The following DST variants were observed in gnomAD, a reference collection of about 807,000 sequenced individuals.
DST encodes bullous pemphigoid antigen.
A neutral mutation model predicts 875.2 loss-of-function variants in DST; 253 were observed. That is an observed-to-expected ratio of 0.29 (90% CI 0.26 to 0.32). The LOEUF is 0.32. DST is among the 10% of genes least tolerant of loss of function. DST has a pLI of 1.00. For synonymous variants in DST, 3,124 were observed against 3,197.1 expected, an observed-to-expected ratio of 0.98 and a Z score of 0.77; for missense variants, 8,287 against 9,111.6, an observed-to-expected ratio of 0.91 and a Z score of 3.68.
chr6:56,608,988 G>A lies in DST; in HGVS notation c.5640C>T (p.Gly1880=). 1 of 1,613,840 alleles carries A rather than the reference G, an allele frequency of 6.2e-7. No individual in the cohort carries two copies. The highest frequency in any genetic ancestry group is 8.5e-7 in the Non-Finnish European group (1 of 1,179,790). The part of the protein sequence containing the change: ...IKVLEILLST[G]SLVIPATGEQ... ...CTCCTGTGGCTGGAATAACCAGAGA[G>A]CCTGTAGAAAGCAGTATCTCAAGAA... is the stretch of plus-strand genomic sequence containing the variant. The change falls in exon 40 of 104, where the codon GGC becomes GGT. Residue 1880 remains glycine, a synonymous_variant. Transcript: ENST00000680361.
At chr6:56,753,310 G>A (rs527258548) in intron 4 of DST, among the ~76,000 whole-genome samples, 1 of 152,318 alleles carries the variant, frequency 6.6e-6, no homozygotes, top group South Asian at 2.1e-4. Flanking sequence ...ACAGAAAACA[G>A]TGAACAGAAC....
At chr6:56,798,545 A>G (rs1023628769) in intron 4 of DST, among the ~76,000 whole-genome samples, 1 of 152,238 alleles carries the variant, frequency 6.6e-6, no homozygotes, top group Non-Finnish European at 1.5e-5. Flanking sequence ...TACCTAGTCC[A>G]AGAGCTCTGA....
At chr6:56,873,132 T>C (rs1652091130) in intron 3 of DST, among the ~76,000 whole-genome samples, 2 of 152,250 alleles carry the variant, frequency 1.3e-5, no homozygotes, top group Admixed American at 1.3e-4. Context: ...GTTCGTCATT[T>C]GTATGTCTTC....
Position 56,492,079 on chromosome 6 carries a change from A to G in DST, c.20757+148T>C, listed in dbSNP as rs938802730. 3.0e-5 allele frequency: 22 copies of G among 737,684 alleles called. No individual in the cohort carries two copies. In the Admixed American group the frequency reaches 3.0e-4, roughly 10 times the overall value. 45.7% of individuals were successfully genotyped at this position (737,684 alleles called of 1,614,324 possible). A position where few individuals can be genotyped will look rare whatever the true frequency, so the allele number is the denominator to read the frequency against. Reference sequence around the variant, plus strand: ...ATGTCAGCATCCAAACTGAGGCCACAGCCCTTTTAGGAAAGAACCACCATG... The same window carrying G: ...ATGTCAGCATCCAAACTGAGGCCACGGCCCTTTTAGGAAAGAACCACCATG... On this transcript the variant is annotated intron_variant, in intron 85 of 103. Transcript: ENST00000680361.
chr6:56,904,276 G>A (rs968534183), intron 2 of DST, among the ~76,000 whole-genome samples: 4 of 152,164 alleles, frequency 2.6e-5, no homozygotes, highest in African/African-American at 7.2e-5. Context: ...GTGAGGTACC[G>A]ATCATTAGGA....
At position 56,625,281 on chromosome 6, in the gene DST, A is replaced by G. The variant is rs774583385; in HGVS notation, c.4723-17T>C. 3 of 1,515,434 alleles carry G rather than the reference A, an allele frequency of 2.0e-6. No individual in the cohort carries two copies. Among genetic ancestry groups the G allele is most frequent in the South Asian group, 1.1e-5 (1 of 89,154 alleles). The allele number at this position is 1,515,434 out of a possible 1,614,324, so 93.9% of individuals were successfully genotyped here. ...TTCATAGTCCTGTATAAAGGAGTCA[A>G]TAAGATAAAATGAATTGAAGCAAAG... On this transcript the variant is annotated splice_polypyrimidine_tract_variant and intron_variant, in intron 34 of 103. Coordinates refer to ENST00000680361, the MANE Select transcript of DST (RefSeq NM_001374736.1).
intron 36 of DST, chr6:56,615,722 A>G: frequency 1.2e-6 from 2 of 1,614,112 alleles, no homozygotes; most frequent in Non-Finnish European, 1.7e-6. Context: ...TATAATACCT[A>G]CTTGGAGAGC....
intron 48 of DST, among the ~76,000 whole-genome samples, chr6:56,593,305 G>A (rs559514937): frequency 6.6e-6 from 1 of 152,156 alleles, no homozygotes; most frequent in South Asian, 2.1e-4. Flanking sequence ...CACGAGGTCA[G>A]GAGATCGAGA....
At chr6:56,560,458 C>A in intron 57 of DST, 35 bp from the exon 58 acceptor site, 1 of 1,547,970 alleles carries the variant, frequency 6.5e-7, no homozygotes, top group Non-Finnish European at 8.7e-7. Flanking sequence ...ATCATGTGTA[C>A]AGCAAAAGAC....
At chr6:56,807,034 A>T (rs35609883) in intron 4 of DST, among the ~76,000 whole-genome samples, 34,766 of 151,898 alleles carry the variant, frequency 0.23, 4,984 homozygotes, top group African/African-American at 0.4. Context: ...CTCAATATTG[A>T]TACTTGTGAA....
In DST at chr6:56,611,381, TATTA is replaced by T. The variant is rs1259662068; in HGVS notation, c.5147+123_5147+126del. ...TAAGTTGATACTCTTTACATTACTA[TATTA>T]ATTGTGATTAGTTTGAGTCCCATAT... is the stretch of plus-strand genomic sequence containing the variant. On this transcript the variant is annotated intron_variant, in intron 38 of 103. Transcript: ENST00000680361. 5 of 518,216 alleles carry T rather than the reference TATTA, an allele frequency of 9.6e-6. No individual in the cohort carries two copies. The East Asian group carries it at 9.7e-5, about 10-fold the overall frequency. 32.1% of individuals were successfully genotyped at this position (518,216 alleles called of 1,614,324 possible).
chr6:56,474,170 G>C (rs2095049097), intron 92 of DST, 168 bp from the exon 93 acceptor site: 5 of 570,222 alleles, frequency 8.8e-6, no homozygotes, highest in Admixed American at 3.3e-5. Flanking sequence ...CATACTGCAG[G>C]CATTTACTAA....
At chr6:56,893,449 T>C (rs1479987160) in intron 3 of DST, among the ~76,000 whole-genome samples, 1 of 152,106 alleles carries the variant, frequency 6.6e-6, no homozygotes, top group Non-Finnish European at 1.5e-5. Flanking sequence ...TTGTGAATTG[T>C]ACTGCTATAA....
At position 56,503,993 on chromosome 6, in the gene DST, A is replaced by C. The variant is rs2152462726; in HGVS notation, c.19566+4T>G. 1 of 1,600,844 alleles carries C rather than the reference A, an allele frequency of 6.2e-7. No individual in the cohort carries two copies. Among genetic ancestry groups the C allele is most frequent in the East Asian group, 2.3e-5 (1 of 44,354 alleles). On this transcript the variant is annotated splice_donor_region_variant and intron_variant, in intron 78 of 103. Coordinates refer to ENST00000680361, the MANE Select transcript of DST (RefSeq NM_001374736.1). ...GTCTTCGATAAATTAGCCCCCACACATACCTTTAGCTCTTCAATCTGCTGC... is the reference window on the plus strand; with the variant it reads ...GTCTTCGATAAATTAGCCCCCACACCTACCTTTAGCTCTTCAATCTGCTGC...
intron 4 of DST, among the ~76,000 whole-genome samples, chr6:56,826,801 A>T (rs2099780978): frequency 6.6e-6 from 1 of 152,220 alleles, no homozygotes. Context: ...TTGCACTTAA[A>T]TTCTACCCAC....
chr6:56,512,633 C>G (rs1190674255), intron 72 of DST, among the ~76,000 whole-genome samples: 1 of 152,196 alleles, frequency 6.6e-6, no homozygotes, highest in Non-Finnish European at 1.5e-5. Context: ...CCTGCAAACT[C>G]TAATTTCTAT....
At chr6:56,480,929 A>G (rs1198610165) in intron 90 of DST, among the ~76,000 whole-genome samples, 1 of 152,206 alleles carries the variant, frequency 6.6e-6, no homozygotes, top group Non-Finnish European at 1.5e-5. Flanking sequence ...CCACAGTAAT[A>G]TAATATAAAC....
Position 56,603,331 on chromosome 6 carries a change from G to C in DST, c.11031C>G (p.Asp3677Glu), listed in dbSNP as rs2098462703. The C allele has an allele frequency of 6.8e-6, 11 of 1,611,300 alleles. No homozygotes were observed. Among genetic ancestry groups the C allele is most frequent in the Non-Finnish European group, 9.3e-6 (11 of 1,179,116 alleles). The change falls in exon 42 of 104, where the codon GAC becomes GAG. Residue 3677 changes from aspartate (D) to glutamate (E), a missense_variant. Coordinates refer to ENST00000680361, the MANE Select transcript of DST (RefSeq NM_001374736.1). ...AEEFLKSLPS[D>E]FPRGHVEELS... is the part of the protein sequence containing the mutation. The stretch of plus-strand genomic sequence containing the variant: ...ATTCTTCAACATGGCCTCTGGGAAA[G>C]TCACTGGGAAGAGACTTTAAAAACT...
chr6:56,537,007 A>T (rs1166161457), intron 61 of DST, 67 bp from the exon 62 acceptor site: 17 of 1,417,794 alleles, frequency 1.2e-5, no homozygotes, highest in Non-Finnish European at 1.7e-5. Flanking sequence ...TATAATAAGC[A>T]TTTCTTTAGG....
Sources: allele counts gnomAD v4.1 joint callset (sites outside exome capture counted in the v4.1 genomes callset), GRCh38; gene constraint gnomAD v4.1.1; transcripts MANE v1.5; gene names NCBI Gene and HGNC (gene_info 2026-07-23, HGNC 2026-07-21).